The following BTRC variants were observed in gnomAD, a reference collection of about 807,000 sequenced individuals.
The protein encoded by BTRC is F-box/WD repeat-containing protein 1A.
In BTRC, 42 loss-of-function variants were observed where a neutral mutation model predicts 85.5. The observed-to-expected ratio is 0.49, with a 90% CI of 0.38 to 0.64. The LOEUF is 0.64. Ranked by LOEUF, BTRC falls within the 30% of genes least tolerant of loss-of-function variation. The pLI is 0.00. For synonymous variants in BTRC, 255 were observed against 263.3 expected (o/e 0.97, Z 0.30); for missense variants, 594 against 743.5 (o/e 0.80, Z 2.34).
intron 13 of BTRC, among the ~76,000 whole-genome samples, chr10:101,550,226 A>T (rs1352208688): frequency 6.6e-6 from 1 of 151,828 alleles, no homozygotes; most frequent in Non-Finnish European, 1.5e-5. Flanking sequence ...CTAGTATTTG[A>T]CTTTTCCATG....
chr10:101,484,063 A>G (rs116643568), intron 4 of BTRC, among the ~76,000 whole-genome samples: 2,242 of 152,316 alleles, frequency 0.015, 52 homozygotes, highest in African/African-American at 0.051. Flanking sequence ...CCTGGCCCAG[A>G]TAAGAGAAGT....
At chr10:101,547,930 A>G (rs1351610019) in intron 13 of BTRC, among the ~76,000 whole-genome samples, 1 of 152,220 alleles carries the variant, frequency 6.6e-6, no homozygotes. Context: ...TGGATGCAGT[A>G]AAAGCATTTG....
intron 2 of BTRC, among the ~76,000 whole-genome samples, chr10:101,453,170 A>G (rs986256450): frequency 6.6e-6 from 1 of 152,242 alleles, no homozygotes; most frequent in Admixed American, 6.5e-5. Context: ...TTAATGGGAA[A>G]AAGTATTAAT....
intron 4 of BTRC, among the ~76,000 whole-genome samples, chr10:101,487,149 T>A (rs1946010946): frequency 6.6e-6 from 1 of 152,206 alleles, no homozygotes; most frequent in Non-Finnish European, 1.5e-5. Context: ...TATTAATTGA[T>A]TAGCATTTGT....
intron 13 of BTRC, among the ~76,000 whole-genome samples, chr10:101,549,200 C>T (rs2062606727): frequency 1.4e-5 from 2 of 144,668 alleles, no homozygotes; most frequent in South Asian, 4.4e-4. Context: ...TTTGGGAGGC[C>T]AAGGCAGAAG....
At chr10:101,367,006 T>TTATATATTTTTATATATATTTA in intron 1 of BTRC, among the ~76,000 whole-genome samples, 1 of 40,124 alleles carries the variant, frequency 2.5e-5, no homozygotes, top group African/African-American at 6.4e-5. Context: ...ATATATATAT[T>TTATATATTTTTATATATATTTA]TATATATATA....
intron 1 of BTRC, among the ~76,000 whole-genome samples, chr10:101,361,316 C>T (rs1322587686): frequency 6.6e-6 from 1 of 151,988 alleles, no homozygotes; most frequent in East Asian, 1.9e-4. Context: ...CCGTGTTAGC[C>T]AGGATGGTCT....
chr10:101,407,449 T>C (rs1347912058), intron 1 of BTRC, among the ~76,000 whole-genome samples: 1 of 152,238 alleles, frequency 6.6e-6, no homozygotes, highest in African/African-American at 2.4e-5. Flanking sequence ...AGTCTCGCTT[T>C]GTTGCCCAGG....
At chr10:101,415,506 GTT>G (rs1943914736) in intron 1 of BTRC, among the ~76,000 whole-genome samples, 1 of 18,174 alleles carries the variant, frequency 5.5e-5, no homozygotes. Flanking sequence ...GTTATGTTAT[GTT>G]ATGTTATGTT....
At position 101,532,848 on chromosome 10, in the gene BTRC, C is replaced by T. The variant is rs1220470609; in HGVS notation, c.979-104C>T. On this transcript the variant is annotated intron_variant, in intron 8 of 14. Coordinates refer to ENST00000370187, the MANE Select transcript of BTRC (RefSeq NM_033637.4). ...TATAGAAAATGCATTCCACACTACT[C>T]TGGGCTTTGATTATTTTGGGGGATC... The T allele has an allele frequency of 4.2e-6, 4 of 962,790 alleles. No individual in the cohort carries two copies. The African/African-American group carries it at 6.5e-5, about 16-fold the overall frequency. The allele number at this position is 962,790 out of a possible 1,614,324, so 59.6% of individuals were successfully genotyped here.
At chr10:101,379,404 C>T (rs1196484903) in intron 1 of BTRC, among the ~76,000 whole-genome samples, 1 of 152,052 alleles carries the variant, frequency 6.6e-6, no homozygotes, top group African/African-American at 2.4e-5. Context: ...TGAAAGCATT[C>T]GTGTTAAAAA....
chr10:101,443,577 G>T (rs1186818015), intron 2 of BTRC, among the ~76,000 whole-genome samples: 2 of 152,116 alleles, frequency 1.3e-5, no homozygotes, highest in Non-Finnish European at 2.9e-5. Flanking sequence ...TCATATTAAA[G>T]ATATAGAAAC....
intron 1 of BTRC, among the ~76,000 whole-genome samples, chr10:101,376,338 A>C (rs1349521614): frequency 6.6e-6 from 1 of 152,168 alleles, no homozygotes; most frequent in African/African-American, 2.4e-5. Context: ...AACAACAACA[A>C]CAAGTGATGG....
intron 3 of BTRC, among the ~76,000 whole-genome samples, chr10:101,468,941 C>A (rs866065814): frequency 6.6e-6 from 1 of 152,154 alleles, no homozygotes; most frequent in South Asian, 2.1e-4. Context: ...AAATTAAACT[C>A]TTTAAAATGT....
intron 1 of BTRC, among the ~76,000 whole-genome samples, chr10:101,380,684 A>G (rs1942906378): frequency 6.6e-6 from 1 of 152,204 alleles, no homozygotes; most frequent in African/African-American, 2.4e-5. Flanking sequence ...TTGTCTAAGT[A>G]TAAGTGATTG....
intron 4 of BTRC, among the ~76,000 whole-genome samples, chr10:101,491,077 T>C (rs1183396348): frequency 6.6e-6 from 1 of 151,402 alleles, no homozygotes; most frequent in Admixed American, 6.6e-5. Flanking sequence ...AAAAAAACTC[T>C]CTTTTCTGGG....
intron 3 of BTRC, among the ~76,000 whole-genome samples, chr10:101,476,539 A>G: frequency 6.6e-6 from 1 of 151,840 alleles, no homozygotes; most frequent in Non-Finnish European, 1.5e-5. Flanking sequence ...TGGCATAATC[A>G]TAGCTCCCTG....
At chr10:101,504,579 G>A (rs116869248) in intron 4 of BTRC, among the ~76,000 whole-genome samples, 1,661 of 151,588 alleles carry the variant, frequency 0.011, 16 homozygotes, top group Non-Finnish European at 0.018. Flanking sequence ...CCCAATCCTC[G>A]GTCACTTTTG....
At chr10:101,431,418 G>A (rs1045472894) in intron 2 of BTRC, among the ~76,000 whole-genome samples, 2 of 152,076 alleles carry the variant, frequency 1.3e-5, no homozygotes, top group African/African-American at 4.8e-5. Context: ...GTTCCAGGAT[G>A]TGCGAGAAAC....
Sources: gnomAD v4.1 joint callset for allele counts (sites outside exome capture counted in the v4.1 genomes callset) on GRCh38, gnomAD v4.1.1 for gene constraint, MANE v1.5 for transcripts, NCBI Gene and HGNC (gene_info 2026-07-23, HGNC 2026-07-21) for gene names.